The following SH3RF1 variants were observed in gnomAD, a reference collection of about 807,000 sequenced individuals.
SH3RF1 encodes the protein E3 ubiquitin-protein ligase SH3RF1.
SH3RF1 carries 32 observed loss-of-function variants against 74.0 expected under a neutral mutation model. The observed-to-expected ratio is 0.43, with a 90% CI of 0.33 to 0.58. The LOEUF (loss-of-function observed/expected upper bound fraction) is 0.58. Ranked by LOEUF, SH3RF1 falls within the 20% of genes least tolerant of loss-of-function variation. SH3RF1 has a pLI of 0.05. For synonymous variants in SH3RF1, 396 were observed against 439.6 expected, an observed-to-expected ratio of 0.90 and a Z score of 1.24; for missense variants, 954 against 1,130.9, an observed-to-expected ratio of 0.84 and a Z score of 2.24.
intron 2 of SH3RF1, among the ~76,000 whole-genome samples, chr4:169,255,284 A>AT (rs1278803399): frequency 2.4e-4 from 37 of 152,322 alleles, no homozygotes; most frequent in African/African-American, 8.4e-4. Context: ...AAATATATAA[A>AT]TTTATTGAAA....
chr4:169,137,911 TA>T (rs1290751265), intron 4 of SH3RF1, among the ~76,000 whole-genome samples: 4 of 152,138 alleles, frequency 2.6e-5, no homozygotes, highest in African/African-American at 9.7e-5. Context: ...ATTAGTAAGA[TA>T]AATCTTTATC....
intron 2 of SH3RF1, among the ~76,000 whole-genome samples, chr4:169,210,118 C>A (rs1297590288): frequency 1.3e-5 from 2 of 152,070 alleles, no homozygotes; most frequent in African/African-American, 4.8e-5. Context: ...TTTATTAGTT[C>A]TCAAACCTCT....
intron 2 of SH3RF1, among the ~76,000 whole-genome samples, chr4:169,247,962 G>A (rs1167252740): frequency 6.6e-6 from 1 of 152,158 alleles, no homozygotes; most frequent in Admixed American, 6.5e-5. Context: ...CAGTTAGAAT[G>A]GCGATCATTA....
chr4:169,109,562 A>T, intron 10 of SH3RF1, among the ~76,000 whole-genome samples: 1 of 152,204 alleles, frequency 6.6e-6, no homozygotes, highest in East Asian at 1.9e-4. Flanking sequence ...CCAAGGAACC[A>T]TGCTTTCAAT....
intron 4 of SH3RF1, among the ~76,000 whole-genome samples, chr4:169,140,051 T>C (rs2126956036): frequency 6.6e-6 from 1 of 152,364 alleles, no homozygotes; most frequent in East Asian, 1.9e-4. Flanking sequence ...GATGCTGTCA[T>C]ACTTTAAAAT....
intron 2 of SH3RF1, among the ~76,000 whole-genome samples, chr4:169,158,875 C>T (rs559246491): frequency 2.0e-5 from 3 of 152,294 alleles, no homozygotes; most frequent in South Asian, 2.1e-4. Flanking sequence ...ATTTGTTTTG[C>T]TAAACATTTG....
chr4:169,109,565 C>T (rs926162566), intron 10 of SH3RF1, among the ~76,000 whole-genome samples: 1 of 152,136 alleles, frequency 6.6e-6, no homozygotes, highest in Admixed American at 6.6e-5. Flanking sequence ...AGGAACCATG[C>T]TTTCAATGGC....
At chr4:169,180,548 C>T (rs916272403) in intron 2 of SH3RF1, among the ~76,000 whole-genome samples, 9 of 152,186 alleles carry the variant, frequency 5.9e-5, no homozygotes, top group South Asian at 4.1e-4. Flanking sequence ...TGCAGACTAA[C>T]GCAGAGTAAA....
chr4:169,172,660 T>C (rs1734350784), intron 2 of SH3RF1, among the ~76,000 whole-genome samples: 1 of 152,240 alleles, frequency 6.6e-6, no homozygotes, highest in Non-Finnish European at 1.5e-5. Context: ...CTTGATCAGA[T>C]TGAGGGATGC....
intron 2 of SH3RF1, among the ~76,000 whole-genome samples, chr4:169,255,614 T>TACACGCATACACACACAC (rs1731174852): frequency 1.7e-5 from 1 of 59,078 alleles, no homozygotes; most frequent in African/African-American, 5.5e-5. Flanking sequence ...CACACATACA[T>TACACGCATACACACACAC]ACACACATAC....
intron 2 of SH3RF1, among the ~76,000 whole-genome samples, chr4:169,190,617 A>C (rs901246480): frequency 1.3e-5 from 2 of 152,128 alleles, no homozygotes; most frequent in African/African-American, 4.8e-5. Context: ...TACCAGATGG[A>C]TTCACAGCAG....
intron 11 of SH3RF1, among the ~76,000 whole-genome samples, chr4:169,101,582 A>G (rs1025720650): frequency 2.6e-5 from 4 of 152,092 alleles, no homozygotes; most frequent in African/African-American, 9.7e-5. Context: ...TGAATTGTAC[A>G]CTTGAAAAAA....
intron 2 of SH3RF1, among the ~76,000 whole-genome samples, chr4:169,194,107 A>G (rs574572585): frequency 2.2e-4 from 33 of 152,310 alleles, no homozygotes; most frequent in Admixed American, 6.5e-4. Flanking sequence ...AAACAGAGAC[A>G]GAGACACATA....
At chr4:169,232,928 A>G (rs990597897) in intron 2 of SH3RF1, among the ~76,000 whole-genome samples, 9 of 152,286 alleles carry the variant, frequency 5.9e-5, no homozygotes, top group East Asian at 1.9e-4. Flanking sequence ...TGTAAATATC[A>G]AGCCTTCGTA....
intron 11 of SH3RF1, among the ~76,000 whole-genome samples, chr4:169,098,371 G>A (rs1048265548): frequency 6.6e-6 from 1 of 152,314 alleles, no homozygotes; most frequent in South Asian, 2.1e-4. Flanking sequence ...ATGATAGGCA[G>A]AACAAATTCT....
At chr4:169,141,835 T>A (rs981843701) in intron 4 of SH3RF1, among the ~76,000 whole-genome samples, 8 of 145,070 alleles carry the variant, frequency 5.5e-5, no homozygotes, top group Non-Finnish European at 9.0e-5. Context: ...TTTTTTGAGA[T>A]GGAGTCTCGC....
chr4:169,217,507 G>A (rs1028927359), intron 2 of SH3RF1: 2 of 152,222 alleles, frequency 1.3e-5, no homozygotes, highest in African/African-American at 2.4e-5. Context: ...CCCAGGACAC[G>A]AGTCTGGAAC....
chr4:169,150,697 A>AG (rs1442507627), intron 4 of SH3RF1, among the ~76,000 whole-genome samples: 1 of 152,180 alleles, frequency 6.6e-6, no homozygotes, highest in Non-Finnish European at 1.5e-5. Flanking sequence ...CGAGGAATGG[A>AG]GGACTGACTG....
intron 2 of SH3RF1, among the ~76,000 whole-genome samples, chr4:169,197,539 G>A (rs199773241): frequency 2.0e-5 from 3 of 146,672 alleles, no homozygotes; most frequent in Non-Finnish European, 4.5e-5. Flanking sequence ...CAGGAGAATC[G>A]CTTGAACCCA....
Sources: allele counts gnomAD v4.1 joint callset (sites outside exome capture counted in the v4.1 genomes callset), GRCh38; gene constraint gnomAD v4.1.1; transcripts MANE v1.5; gene names NCBI Gene and HGNC (gene_info 2026-07-23, HGNC 2026-07-21).